Variants in SCGN observed in about 807,000 individuals in gnomAD.
SCGN encodes secretagogin.
A neutral mutation model predicts 39.7 loss-of-function variants in SCGN; 30 were observed. The observed-to-expected ratio is 0.76, with a 90% CI of 0.57 to 1.03. The LOEUF (loss-of-function observed/expected upper bound fraction) is 1.03. Ranked by LOEUF, SCGN falls within the 50% of genes least tolerant of loss-of-function variation. The pLI, the probability that SCGN is intolerant of heterozygous loss-of-function variation, is 0.00. For synonymous variants in SCGN, 106 were observed against 114.1 expected (o/e 0.93, Z 0.45); for missense variants, 353 against 349.4 (o/e 1.01, Z -0.08).
At chr6:25,662,598 T>C (rs549468416) in intron 3 of SCGN, among the ~76,000 whole-genome samples, 2 of 152,328 alleles carry the variant, frequency 1.3e-5, no homozygotes, top group South Asian at 2.1e-4. Context: ...AATAATAGGA[T>C]AATTTCTTCA....
intron 2 of SCGN, among the ~76,000 whole-genome samples, chr6:25,655,260 C>T (rs1233045616): frequency 1.3e-5 from 2 of 152,162 alleles, no homozygotes; most frequent in African/African-American, 4.8e-5. Flanking sequence ...TTGTTCTAGT[C>T]ATTTATAAAA....
intron 2 of SCGN, among the ~76,000 whole-genome samples, chr6:25,656,846 T>C (rs924369805): frequency 3.9e-5 from 6 of 152,192 alleles, no homozygotes; most frequent in African/African-American, 1.4e-4. Context: ...TTTATTTACT[T>C]TAAAATCTAA....
chr6:25,694,146 T>C (rs957171143), intron 10 of SCGN, among the ~76,000 whole-genome samples: 12 of 152,274 alleles, frequency 7.9e-5, no homozygotes, highest in Admixed American at 6.5e-4. Flanking sequence ...TATTTCCATA[T>C]GATTTTTGTA....
chr6:25,670,913 T>C (rs988937527), intron 6 of SCGN, among the ~76,000 whole-genome samples: 1 of 152,242 alleles, frequency 6.6e-6, no homozygotes, highest in African/African-American at 2.4e-5. Flanking sequence ...TCCTCCCCTA[T>C]TCCTTTCTCA....
chr6:25,658,135 G>C (rs1760262082), intron 2 of SCGN, among the ~76,000 whole-genome samples: 1 of 142,048 alleles, frequency 7.0e-6, no homozygotes, highest in South Asian at 2.3e-4. Flanking sequence ...CGCCTCACGG[G>C]TTCAAGCTAT....
rs150201882 is a variant in SCGN, at chr6:25,665,530, A to C, written c.336+498A>C. Among the ~76,000 whole-genome samples, 355 of 152,262 alleles carry C rather than the reference A, an allele frequency of 2.3e-3. 10 individuals carry two copies. The highest frequency in any genetic ancestry group is 0.02 in the Admixed American group (302 of 15,294). On this transcript the variant is annotated intron_variant, in intron 4 of 10. Coordinates refer to ENST00000377961, the MANE Select transcript of SCGN (RefSeq NM_006998.4). Reference sequence around the variant, plus strand: ...TGGGCCTTCTGTTTATAACCATGGGAGAGTAAAAGTTAAAGGCGGTATCAA... The same window carrying C: ...TGGGCCTTCTGTTTATAACCATGGGCGAGTAAAAGTTAAAGGCGGTATCAA...
intron 4 of SCGN, among the ~76,000 whole-genome samples, chr6:25,665,892 A>G (rs374288068): frequency 1.2e-4 from 18 of 152,344 alleles, no homozygotes; most frequent in East Asian, 5.8e-4. Context: ...AATATGCAAT[A>G]CTTTCAAGGA....
At chr6:25,676,391 C>T (rs1759563130) in intron 6 of SCGN, among the ~76,000 whole-genome samples, 1 of 152,220 alleles carries the variant, frequency 6.6e-6, no homozygotes, top group Non-Finnish European at 1.5e-5. Context: ...ACTGCTCACA[C>T]ACCAAGTCAT....
chr6:25,686,054 A>G (rs1161955096), intron 7 of SCGN, among the ~76,000 whole-genome samples: 1 of 152,170 alleles, frequency 6.6e-6, no homozygotes, highest in African/African-American at 2.4e-5. Context: ...AGGTTCATTC[A>G]TGTTGTAACT....
chr6:25,666,553 T>C (rs1760428301), intron 4 of SCGN, among the ~76,000 whole-genome samples: 1 of 152,216 alleles, frequency 6.6e-6, no homozygotes, highest in South Asian at 2.1e-4. Flanking sequence ...TTCTACAAAT[T>C]CTTAAGAGCA....
At chr6:25,679,424 C>A (rs1257089469) in intron 6 of SCGN, among the ~76,000 whole-genome samples, 1 of 152,182 alleles carries the variant, frequency 6.6e-6, no homozygotes, top group Non-Finnish European at 1.5e-5. Flanking sequence ...ACTTCATCAT[C>A]ATTCCAGCCA....
chr6:25,690,570 A>G (rs992998229), intron 9 of SCGN, among the ~76,000 whole-genome samples: 2 of 152,222 alleles, frequency 1.3e-5, no homozygotes, highest in Admixed American at 1.3e-4. Flanking sequence ...ATGGTTAGAA[A>G]AAAATAAAGG....
intron 7 of SCGN, among the ~76,000 whole-genome samples, chr6:25,685,759 C>A (rs147974922): frequency 6.6e-6 from 1 of 152,070 alleles, no homozygotes; most frequent in African/African-American, 2.4e-5. Context: ...TTAAAGTTTA[C>A]CCTTTTAAAG....
chr6:25,689,364 C>A, intron 8 of SCGN, 109 bp from the exon 9 acceptor site: 1 of 1,203,286 alleles, frequency 8.3e-7, no homozygotes, highest in Admixed American at 1.8e-5. Flanking sequence ...ATCAAGGGAT[C>A]TTAAAGGTCA....
intron 10 of SCGN, among the ~76,000 whole-genome samples, chr6:25,696,733 C>T (rs1759842612): frequency 6.6e-6 from 1 of 152,188 alleles, no homozygotes; most frequent in African/African-American, 2.4e-5. Flanking sequence ...TCAAACCTGA[C>T]TTTTCTTCCC....
chr6:25,700,081 A>C (rs1287978017), intron 10 of SCGN, among the ~76,000 whole-genome samples: 1 of 151,828 alleles, frequency 6.6e-6, no homozygotes, highest in Non-Finnish European at 1.5e-5. Flanking sequence ...CCCTATCTCT[A>C]CTAAAATACA....
At chr6:25,689,146 G>T (rs770657355) in intron 7 of SCGN, 26 bp from the exon 8 acceptor site, 4 of 1,438,958 alleles carry the variant, frequency 2.8e-6, no homozygotes, top group Non-Finnish European at 1.9e-6. Flanking sequence ...CGATCCTTAC[G>T]TGGATTTTTT....
chr6:25,655,871 G>C (rs748870082), intron 2 of SCGN, among the ~76,000 whole-genome samples: 11 of 152,076 alleles, frequency 7.2e-5, no homozygotes, highest in Non-Finnish European at 8.8e-5. Context: ...ATAGCCTCAG[G>C]CACATCTCAT....
intron 4 of SCGN, among the ~76,000 whole-genome samples, chr6:25,667,516 A>G (rs1032151769): frequency 1.3e-5 from 2 of 152,292 alleles, no homozygotes; most frequent in South Asian, 4.1e-4. Context: ...CTCATGTGCC[A>G]TTATTGTCCA....
Sources: gnomAD v4.1 joint callset for allele counts (sites outside exome capture counted in the v4.1 genomes callset) on GRCh38, gnomAD v4.1.1 for gene constraint, MANE v1.5 for transcripts, NCBI Gene and HGNC (gene_info 2026-07-23, HGNC 2026-07-21) for gene names.